The following ATP6V0A2 variants were observed in gnomAD, a reference collection of about 807,000 sequenced individuals.
ATP6V0A2 encodes the protein V-type proton ATPase 116 kDa subunit a 2.
Under a neutral mutation model 104.4 loss-of-function variants are expected in ATP6V0A2, and 58 were observed. The observed-to-expected ratio is 0.56, with a 90% CI of 0.45 to 0.69. The LOEUF (loss-of-function observed/expected upper bound fraction) is 0.69, where lower values mean the gene tolerates loss of function less well. Ranked by LOEUF, ATP6V0A2 falls within the 30% of genes least tolerant of loss-of-function variation. The probability of loss-of-function intolerance (pLI) is 0.00; values close to 1 mark genes in which losing one functional copy is unlikely to be tolerated. For missense variants in ATP6V0A2, 938 were observed against 1,062.9 expected (o/e 0.88, Z 1.63); for synonymous variants, 376 against 397.9 (o/e 0.95, Z 0.65).
At chr12:123,717,314 C>CAAAAAAAAA (rs538974425) in intron 1 of ATP6V0A2, among the ~76,000 whole-genome samples, 1 of 106,864 alleles carries the variant, frequency 9.4e-6, no homozygotes, top group African/African-American at 3.7e-5. Context: ...AACTCTGTCT[C>CAAAAAAAAA]AAAAAAAAAA....
In ATP6V0A2 at chr12:123,761,286, GT is replaced by G. The variant is rs1305475366; in HGVS notation, c.*3258del. 6.6e-6 allele frequency: 1 copy of G among 152,194 alleles called. No individual in the cohort carries two copies. The highest frequency in any genetic ancestry group is 2.4e-5 in the African/African-American group (1 of 41,452). The allele number at this position is 152,194 out of a possible 1,614,324, so 9.4% of individuals were successfully genotyped here. On this transcript the variant is annotated 3_prime_UTR_variant, in exon 20 of 20. Coordinates refer to ENST00000330342, the MANE Select transcript of ATP6V0A2 (RefSeq NM_012463.4). Reference sequence around the variant, plus strand: ...ATGTCCATGAATTACATATTCAGACGTTTTAGAGCCTGATACATTTTGGAAA... The same window carrying G: ...ATGTCCATGAATTACATATTCAGACGTTTAGAGCCTGATACATTTTGGAAA...
intron 9 of ATP6V0A2, among the ~76,000 whole-genome samples, chr12:123,739,653 A>G (rs1370065196): frequency 6.6e-6 from 1 of 152,180 alleles, no homozygotes; most frequent in Non-Finnish European, 1.5e-5. Flanking sequence ...CCTGAAGCTC[A>G]TTCCCTAGAG....
In ATP6V0A2 at chr12:123,761,387, G is replaced by C. The variant is rs1000717505; in HGVS notation, c.*3355G>C. On this transcript the variant is annotated 3_prime_UTR_variant, in exon 20 of 20. Transcript: ENST00000330342. ...ATTCCTCTATTAAAAACGTAAAGCC[G>C]GGTTTGCTTGCGTGCCACAGGGAAT... 6.6e-6 allele frequency: 1 copy of C among 152,186 alleles called. No homozygotes were observed. The highest frequency in any genetic ancestry group is 6.5e-5 in the Admixed American group (1 of 15,278). The allele number at this position is 152,186 out of a possible 1,614,324, so 9.4% of individuals were successfully genotyped here.
chr12:123,735,420 C>A, intron 7 of ATP6V0A2, 111 bp from the exon 8 acceptor site: 1 of 973,288 alleles, frequency 1.0e-6, no homozygotes, highest in Non-Finnish European at 1.6e-6. Context: ...GCACCCGTGT[C>A]TCCCAAACGG....
chr12:123,730,245 CG>C (rs1956489714), intron 6 of ATP6V0A2, among the ~76,000 whole-genome samples: 1 of 151,668 alleles, frequency 6.6e-6, no homozygotes, highest in Admixed American at 6.6e-5. Context: ...TTAGTAGAGA[CG>C]GGGTTTCACT....
chr12:123,715,506 G>A (rs953523968), intron 1 of ATP6V0A2, among the ~76,000 whole-genome samples: 1 of 152,338 alleles, frequency 6.6e-6, no homozygotes, highest in Admixed American at 6.5e-5. Flanking sequence ...TTACCAGGTT[G>A]AGCAGTTTCA....
At chr12:123,723,843 A>G (rs1462457223) in intron 3 of ATP6V0A2, 1 of 152,222 alleles carries the variant, frequency 6.6e-6, no homozygotes, top group Non-Finnish European at 1.5e-5. Flanking sequence ...AAAATAAGTT[A>G]GAAAAGATTA....
At chr12:123,729,461 A>G (rs1002766346) in intron 6 of ATP6V0A2, among the ~76,000 whole-genome samples, 6 of 151,754 alleles carry the variant, frequency 4.0e-5, no homozygotes, top group Non-Finnish European at 7.4e-5. Flanking sequence ...ATGCACATAT[A>G]CATTTACAGC....
At chr12:123,730,055 T>TC (rs58807565) in intron 6 of ATP6V0A2, among the ~76,000 whole-genome samples, 59,173 of 103,158 alleles carry the variant, frequency 0.57, 17,658 homozygotes, top group East Asian at 0.91. Flanking sequence ...TTTTTTTTTT[T>TC]TTTTTTTTTT....
rs2271662 is a variant in ATP6V0A2 at position 123,734,250 on chromosome 12, A to G, written c.731+242A>G. On this transcript the variant is annotated intron_variant, in intron 7 of 19. Transcript: ENST00000330342. ...TCCCAGAATTGACTTTTTTCCTTGG[A>G]GATCAGGGCTTCAGATTGGTTGAAA... 0.66 allele frequency among the ~76,000 whole-genome samples: 101,089 copies of G among 152,054 alleles called. 33,943 individuals are homozygous for G. The highest frequency in any genetic ancestry group is 0.95 in the East Asian group (4,914 of 5,184).
At chr12:123,722,326 A>T in intron 2 of ATP6V0A2, 25 bp from the exon 3 acceptor site, 1 of 1,332,028 alleles carries the variant, frequency 7.5e-7, no homozygotes, top group Non-Finnish European at 1.1e-6. Flanking sequence ...TTTAGTATCT[A>T]ATTGTTTAAC....
At chr12:123,750,491 G>A (rs753771965) in intron 15 of ATP6V0A2, 5 of 159,312 alleles carry the variant, frequency 3.1e-5, no homozygotes, top group South Asian at 1.8e-4. Flanking sequence ...GGTGAGGGGC[G>A]ACCATACAGA....
chr12:123,731,746 A>G (rs1956503831), intron 6 of ATP6V0A2: 1 of 152,060 alleles, frequency 6.6e-6, no homozygotes, highest in Admixed American at 6.6e-5. Context: ...CAGTGTGTCT[A>G]GTGGGTTGCT....
At chr12:123,741,445 TC>T (rs1956608264) in intron 9 of ATP6V0A2, among the ~76,000 whole-genome samples, 3 of 152,016 alleles carry the variant, frequency 2.0e-5, no homozygotes, top group Admixed American at 2.0e-4. Flanking sequence ...TCAAGGAAAT[TC>T]ATTTTTTAGA....
At chr12:123,757,740 C>T (rs1268762273) in intron 19 of ATP6V0A2, among the ~76,000 whole-genome samples, 187 bp from the exon 20 acceptor site, 2 of 152,230 alleles carry the variant, frequency 1.3e-5, no homozygotes, top group East Asian at 1.9e-4. Context: ...TCTGTTCACA[C>T]TGGGAAAGCC....
chr12:123,731,111 C>T (rs1593896937), intron 6 of ATP6V0A2: 1 of 152,138 alleles, frequency 6.6e-6, no homozygotes, highest in South Asian at 2.1e-4. Flanking sequence ...CCTGTCCCCA[C>T]GGTTATAAAG....
chr12:123,749,065 G>A (rs766841234), intron 15 of ATP6V0A2, among the ~76,000 whole-genome samples: 11 of 152,152 alleles, frequency 7.2e-5, no homozygotes, highest in Non-Finnish European at 1.5e-4. Context: ...CAAGGCTGGC[G>A]GATTGCTTGA....
At chr12:123,737,431 T>C (rs1364268388) in intron 9 of ATP6V0A2, 160 bp downstream of exon 9, 2 of 786,466 alleles carry the variant, frequency 2.5e-6, no homozygotes, top group African/African-American at 1.7e-5. Flanking sequence ...AAAATTAAAA[T>C]AGAGATGGGG....
At chr12:123,713,858 G>C (rs2250026) in intron 1 of ATP6V0A2, among the ~76,000 whole-genome samples, 79,436 of 151,960 alleles carry the variant, frequency 0.52, 23,685 homozygotes, top group African/African-American at 0.82. Flanking sequence ...AGCCCTACCC[G>C]AGATCTGATA....
Sources: allele counts gnomAD v4.1 joint callset (sites outside exome capture counted in the v4.1 genomes callset), GRCh38; gene constraint gnomAD v4.1.1; transcripts MANE v1.5; gene names NCBI Gene and HGNC (gene_info 2026-07-23, HGNC 2026-07-21).